ERC2: variants seen among roughly 807,000 people sequenced by gnomAD.
ERC2 encodes the protein ERC protein 2.
In ERC2, 42 loss-of-function variants were observed where a neutral mutation model predicts 114.8. The observed-to-expected ratio is 0.37, with a 90% CI of 0.29 to 0.47. The LOEUF (loss-of-function observed/expected upper bound fraction) is 0.47, where lower values mean the gene tolerates loss of function less well. Ranked by LOEUF, ERC2 falls within the 20% of genes least tolerant of loss-of-function variation. The pLI is 0.99. For missense variants in ERC2, 939 were observed against 1,150.7 expected, an observed-to-expected ratio of 0.82 and a Z score of 2.66; for synonymous variants, 454 against 425.5, an observed-to-expected ratio of 1.07 and a Z score of -0.82.
At chr3:55,856,717 G>T (rs568032429) in intron 14 of ERC2, among the ~76,000 whole-genome samples, 1 of 152,212 alleles carries the variant, frequency 6.6e-6, no homozygotes, top group South Asian at 2.1e-4. Flanking sequence ...ACTTGCACAT[G>T]AATGTTCATA....
chr3:55,878,143 T>C (rs2062951264), intron 14 of ERC2, among the ~76,000 whole-genome samples: 1 of 152,204 alleles, frequency 6.6e-6, no homozygotes, highest in Non-Finnish European at 1.5e-5. Flanking sequence ...AACTCTATGA[T>C]TCACAAGCAT....
intron 3 of ERC2, among the ~76,000 whole-genome samples, chr3:56,188,511 G>T (rs923732244): frequency 5.3e-5 from 8 of 152,214 alleles, no homozygotes; most frequent in Non-Finnish European, 1.2e-4. Flanking sequence ...TTCCCTGGCT[G>T]CAGACACGTG....
intron 2 of ERC2, 182 bp downstream of exon 2, chr3:56,434,169 T>C: frequency 1.7e-6 from 1 of 591,998 alleles, no homozygotes; most frequent in Non-Finnish European, 2.9e-6. Flanking sequence ...ATAAGGAAAT[T>C]ACAAGCTGTA....
At chr3:55,565,797 A>T (rs1450107369) in intron 17 of ERC2, among the ~76,000 whole-genome samples, 5 of 152,162 alleles carry the variant, frequency 3.3e-5, no homozygotes, top group Non-Finnish European at 7.4e-5. Flanking sequence ...TTCAGAAATA[A>T]TCATTTGATT....
In ERC2 at chr3:55,877,420, G is replaced by A. The variant is rs192869099; in HGVS notation, c.2564+10969C>T. 1.9e-3 allele frequency among the ~76,000 whole-genome samples: 293 copies of A among 152,236 alleles called. 1 individual carries two copies. Among genetic ancestry groups the A allele is most frequent in the Admixed American group, 4.1e-3 (62 of 15,298 alleles). On this transcript the variant is annotated intron_variant, in intron 14 of 17. Coordinates refer to ENST00000288221, the MANE Select transcript of ERC2 (RefSeq NM_015576.3). ...GGCTTAACCAACTACAACTGGCAGA[G>A]TCAGGCTATGAACTAGAGTGCTCAG...
At chr3:56,278,568 G>A (rs746147542) in intron 3 of ERC2, among the ~76,000 whole-genome samples, 6 of 152,216 alleles carry the variant, frequency 3.9e-5, no homozygotes, top group Non-Finnish European at 7.3e-5. Flanking sequence ...GGTATCTACT[G>A]TTTTAGTCCA....
At chr3:56,363,830 G>A (rs1221046705) in intron 2 of ERC2, among the ~76,000 whole-genome samples, 9 of 141,784 alleles carry the variant, frequency 6.3e-5, no homozygotes, top group South Asian at 2.5e-4. Flanking sequence ...AGGGAGGGAG[G>A]GAGGGAGAGA....
intron 3 of ERC2, among the ~76,000 whole-genome samples, chr3:56,214,046 G>T (rs1186192705): frequency 6.6e-6 from 1 of 152,140 alleles, no homozygotes; most frequent in African/African-American, 2.4e-5. Context: ...GAACCACAAA[G>T]ATGGGGAAAA....
chr3:55,528,806 C>T (rs1350031356), intron 17 of ERC2, among the ~76,000 whole-genome samples: 1 of 152,164 alleles, frequency 6.6e-6, no homozygotes, highest in Non-Finnish European at 1.5e-5. Context: ...CATCCCTGGC[C>T]TCCACCCACT....
intron 2 of ERC2, among the ~76,000 whole-genome samples, chr3:56,300,294 AAG>A (rs2055782301): frequency 6.6e-6 from 1 of 151,606 alleles, no homozygotes; most frequent in Non-Finnish European, 1.5e-5. Flanking sequence ...AAAAAAAAAA[AAG>A]AAAAACAAAA....
At chr3:56,411,803 A>C (rs2060950348) in intron 2 of ERC2, among the ~76,000 whole-genome samples, 2 of 152,122 alleles carry the variant, frequency 1.3e-5, no homozygotes, top group Non-Finnish European at 2.9e-5. Flanking sequence ...AACTCCAGAT[A>C]CTATATTCTT....
intron 2 of ERC2, among the ~76,000 whole-genome samples, chr3:56,398,630 G>A (rs2060404893): frequency 6.6e-6 from 1 of 151,682 alleles, no homozygotes; most frequent in South Asian, 2.1e-4. Context: ...TATATAGTTT[G>A]TTTGTTTTTT....
chr3:55,750,819 G>A (rs895461138), intron 14 of ERC2, among the ~76,000 whole-genome samples: 2 of 152,210 alleles, frequency 1.3e-5, no homozygotes, highest in Admixed American at 6.5e-5. Flanking sequence ...ACGTTTTCAC[G>A]CATGCCCGCA....
At chr3:56,173,876 G>C (rs1251178577) in intron 3 of ERC2, 1 of 191,484 alleles carries the variant, frequency 5.2e-6, no homozygotes, top group Admixed American at 6.1e-5. Context: ...TACAAACACA[G>C]CAAGGAAACA....
chr3:56,314,505 T>TG (rs555681956), intron 2 of ERC2, among the ~76,000 whole-genome samples: 24 of 1,678 alleles, frequency 0.014, no homozygotes, highest in South Asian at 0.13. Flanking sequence ...TTCCAGTGGG[T>TG]GGGGGGGTGG....
chr3:56,396,772 C>G (rs927444934), intron 2 of ERC2, among the ~76,000 whole-genome samples: 1 of 151,926 alleles, frequency 6.6e-6, no homozygotes, highest in Non-Finnish European at 1.5e-5. Context: ...CAAAGGAGAA[C>G]GGTCCCTTCC....
intron 17 of ERC2, among the ~76,000 whole-genome samples, chr3:55,595,229 T>C (rs1303823879): frequency 6.6e-6 from 1 of 152,216 alleles, no homozygotes; most frequent in Non-Finnish European, 1.5e-5. Context: ...AATCAAGATA[T>C]CTGTTTAAAT....
At chr3:55,664,275 A>G (rs1270442949) in intron 17 of ERC2, among the ~76,000 whole-genome samples, 3 of 152,180 alleles carry the variant, frequency 2.0e-5, no homozygotes, top group African/African-American at 7.2e-5. Flanking sequence ...TGGTTGCAAA[A>G]TCGACTTGAG....
chr3:55,645,028 C>T (rs1388479349), intron 17 of ERC2, among the ~76,000 whole-genome samples: 1 of 151,934 alleles, frequency 6.6e-6, no homozygotes, highest in Non-Finnish European at 1.5e-5. Flanking sequence ...GTTCTCCTTA[C>T]CGGAGAAAAA....
Sources: allele counts gnomAD v4.1 joint callset (sites outside exome capture counted in the v4.1 genomes callset), GRCh38; gene constraint gnomAD v4.1.1; transcripts MANE v1.5; gene names NCBI Gene and HGNC (gene_info 2026-07-23, HGNC 2026-07-21).